The following ANK1 variants were observed in gnomAD, a reference collection of about 807,000 sequenced individuals.
The protein encoded by ANK1 is ankyrin 1, also known as ankyrin-1.
A neutral mutation model predicts 210.4 loss-of-function variants in ANK1; 51 were observed. That is an observed-to-expected ratio of 0.24 (90% CI 0.19 to 0.31). The LOEUF (loss-of-function observed/expected upper bound fraction) is 0.31, where lower values mean the gene tolerates loss of function less well. Among genes scored for constraint, ANK1 ranks in the 10% least tolerant of loss-of-function variants. ANK1 has a pLI of 1.00. For missense variants in ANK1, 2,051 were observed against 2,504.4 expected, an observed-to-expected ratio of 0.82 and a Z score of 3.86; for synonymous variants, 967 against 1,025.9, an observed-to-expected ratio of 0.94 and a Z score of 1.10.
intron 1 of ANK1, among the ~76,000 whole-genome samples, chr8:41,848,912 C>T (rs1373042911): frequency 6.6e-6 from 1 of 152,196 alleles, no homozygotes; most frequent in Non-Finnish European, 1.5e-5. Context: ...CTGGGCCAGA[C>T]CCAGTCTCCA....
At chr8:41,688,120 G>A (rs1818201195) in intron 35 of ANK1, 36 bp downstream of exon 35, 1 of 1,602,026 alleles carries the variant, frequency 6.2e-7, no homozygotes, top group Non-Finnish European at 8.6e-7. Context: ...AGGTGAGATG[G>A]ACAAAGTGCT....
At chr8:41,811,944 T>G (rs1802558081) in intron 1 of ANK1, among the ~76,000 whole-genome samples, 1 of 152,184 alleles carries the variant, frequency 6.6e-6, no homozygotes, top group Admixed American at 6.5e-5. Context: ...TAGCCTCCAT[T>G]CATCTGAATA....
At position 41,694,548 on chromosome 8, in the gene ANK1, A is replaced by G; in HGVS notation, c.3327+44T>C. On this transcript the variant is annotated intron_variant, in intron 28 of 42. Coordinates refer to ENST00000289734, the MANE Select transcript of ANK1 (RefSeq NM_000037.4). The surrounding 1 kb of genome is among the most constrained non-coding windows in gnomAD (Gnocchi z 5.7). ...GAGGGTGGCCTTCCCGGAGGCCTGG[A>G]GTTCAGTCCACCCCCAGGACCTGGC... 7.6e-6 allele frequency: 12 copies of G among 1,577,020 alleles called. No individual in the cohort carries two copies. The highest frequency in any genetic ancestry group is 1.0e-5 in the Non-Finnish European group (12 of 1,152,958).
Position 41,668,558 on chromosome 8 carries a change from C to T in ANK1, c.5103G>A (p.Gln1701=). 1 of 1,612,608 alleles carries T rather than the reference C, an allele frequency of 6.2e-7. No individual in the cohort carries two copies. The highest frequency in any genetic ancestry group is 8.5e-7 in the Non-Finnish European group (1 of 1,178,684). The change falls in exon 39 of 43, where the codon CAG becomes CAA. Residue 1701 remains glutamine, a synonymous_variant. Coordinates refer to ENST00000289734, the MANE Select transcript of ANK1 (RefSeq NM_000037.4). ...QVTERSQDRL[Q]DWDADGSIVS... The stretch of plus-strand genomic sequence containing the variant: ...CAATCGAGCCGTCTGCATCCCAGTC[C>T]TGCAGTCTGGGGTCCAGAAGAAGCA...
At chr8:41,854,620 A>T (rs915284008) in intron 1 of ANK1, among the ~76,000 whole-genome samples, 5 of 152,144 alleles carry the variant, frequency 3.3e-5, no homozygotes, top group African/African-American at 1.2e-4. Flanking sequence ...AGCCAGCAGC[A>T]TTGGCCCCAG....
At chr8:41,719,222 A>G (rs1176809348) in intron 10 of ANK1, among the ~76,000 whole-genome samples, 1 of 152,186 alleles carries the variant, frequency 6.6e-6, no homozygotes. Flanking sequence ...GAGTGCCATG[A>G]GAACTACAAG....
chr8:41,743,572 G>A lies in ANK1; in HGVS notation c.130-9503C>T, dbSNP rs773683009. On this transcript the variant is annotated intron_variant, in intron 2 of 42. Transcript: ENST00000289734. ...GCAGTGAACAGGGAGGTGCCCTGCAGGGCATGGGCAGCAGCGTGTCTGGGG... is the reference window on the plus strand; with the variant it reads ...GCAGTGAACAGGGAGGTGCCCTGCAAGGCATGGGCAGCAGCGTGTCTGGGG... Among the ~76,000 whole-genome samples the A allele has an allele frequency of 2.6e-5, 4 of 152,180 alleles. No individual in the cohort carries two copies. In the East Asian group the frequency reaches 5.8e-4, roughly 22 times the overall value.
In ANK1 at chr8:41,706,168, C is replaced by T. The variant is rs1824519645; in HGVS notation, c.2072G>A (p.Gly691Asp). Residue 691 changes from glycine to aspartate, a missense_variant, in exon 18 of 43, where the codon GGC becomes GAC. Gly to Asp is a moderately conservative substitution (Grantham distance 94). Around this residue, in one of 6 missense-constraint regions of ANK1, gnomAD observed 1,413 missense variants for 1,707.4 expected, o/e 0.83. Transcript: ENST00000289734. The part of the protein sequence containing the change: ...VPVADVLIKH[G>D]VMVDATTRMG... The stretch of plus-strand genomic sequence containing the variant: ...CCGGGTGGTGGCGTCCACCATGACG[C>T]CGTGTTTGATCAGCACATCTGCCAC... 1.2e-6 allele frequency: 2 copies of T among 1,614,012 alleles called. No individual in the cohort carries two copies. Among genetic ancestry groups the T allele is most frequent in the African/African-American group, 2.7e-5 (2 of 75,054 alleles).
At chr8:41,787,026 C>T (rs1206113172) in intron 1 of ANK1, among the ~76,000 whole-genome samples, 1 of 152,194 alleles carries the variant, frequency 6.6e-6, no homozygotes, top group African/African-American at 2.4e-5. Flanking sequence ...TTCATTTTTC[C>T]ACTCCACATG....
rs1848964418 is a variant in ANK1, at chr8:41,797,434, C to T, written c.27+78G>A. The T allele has an allele frequency of 8.1e-6, 11 of 1,353,254 alleles. No homozygotes were observed. Among genetic ancestry groups the T allele is most frequent in the Non-Finnish European group, 1.0e-5 (10 of 964,386 alleles). The allele number at this position is 1,353,254 out of a possible 1,614,324, so 83.8% of individuals were successfully genotyped here. A position where few individuals can be genotyped will look rare whatever the true frequency, so the allele number is the denominator to read the frequency against. On this transcript the variant is annotated intron_variant, in intron 1 of 42. Transcript: ENST00000289734. This position sits in a 1 kb window ranked among gnomAD's most constrained non-coding sequence, Gnocchi z 4.0. ...GGGTGTGCAAAGCTGCTCTTGCTCG[C>T]GTGCTGCCTACTGGCGCGGCCTGGG...
intron 1 of ANK1, among the ~76,000 whole-genome samples, chr8:41,826,174 A>C (rs1211684652): frequency 6.6e-6 from 1 of 152,164 alleles, no homozygotes; most frequent in Non-Finnish European, 1.5e-5. Context: ...CCAACCTGCC[A>C]GCTGTGAGAT....
intron 16 of ANK1, among the ~76,000 whole-genome samples, chr8:41,713,551 G>A (rs1420514827): frequency 6.6e-6 from 1 of 152,228 alleles, no homozygotes; most frequent in Non-Finnish European, 1.5e-5. Context: ...ACATTCAGGT[G>A]AGCCTCCCTA....
chr8:41,785,610 C>T (rs544375721), intron 1 of ANK1, among the ~76,000 whole-genome samples: 2 of 152,262 alleles, frequency 1.3e-5, no homozygotes, highest in Admixed American at 1.3e-4. Context: ...GGCTGGGGTC[C>T]GACCTTCCCC....
intron 1 of ANK1, among the ~76,000 whole-genome samples, chr8:41,773,002 T>C (rs1389133474): frequency 3.9e-5 from 6 of 152,190 alleles, no homozygotes; most frequent in African/African-American, 1.2e-4. Context: ...GAAGGAACTT[T>C]ACAGAATGTT....
intron 1 of ANK1, among the ~76,000 whole-genome samples, chr8:41,883,319 A>G (rs771972861): frequency 2.0e-5 from 3 of 152,174 alleles, no homozygotes; most frequent in Non-Finnish European, 4.4e-5. Context: ...GCCACCACTC[A>G]TCCAGATTTC....
chr8:41,839,874 G>A (rs934398743), intron 1 of ANK1, among the ~76,000 whole-genome samples: 2 of 152,162 alleles, frequency 1.3e-5, no homozygotes, highest in Admixed American at 6.6e-5. Flanking sequence ...ATGTATGGAC[G>A]TCTAGTTAAT....
intron 1 of ANK1, among the ~76,000 whole-genome samples, chr8:41,817,932 G>A (rs185909432): frequency 8.5e-4 from 129 of 152,350 alleles, no homozygotes; most frequent in Admixed American, 4.0e-3. Context: ...CTCCTGAGAA[G>A]TGGCAAGAGT....
chr8:41,860,306 C>T lies in ANK1; in HGVS notation c.126+36049G>A, dbSNP rs559982990. 3.3e-5 allele frequency among the ~76,000 whole-genome samples: 5 copies of T among 152,340 alleles called. No individual in the cohort carries two copies. The South Asian group carries it at 6.2e-4, about 19-fold the overall frequency. On this transcript the variant is annotated intron_variant, in intron 1 of 42. Transcript: ENST00000265709. ...GGCCTCCAAGCAAGCAGTGAGGTTT[C>T]ACCTTGGCTTTGGCAGATTCCACTG... is the stretch of plus-strand genomic sequence containing the variant.
At chr8:41,762,100 C>T (rs1338483642) in intron 1 of ANK1, among the ~76,000 whole-genome samples, 1 of 152,220 alleles carries the variant, frequency 6.6e-6, no homozygotes, top group East Asian at 1.9e-4. Context: ...GCTGTCTGTT[C>T]ATGAGGCACA....
Sources: allele counts gnomAD v4.1 joint callset (sites outside exome capture counted in the v4.1 genomes callset), GRCh38; gene constraint gnomAD v4.1.1; regional missense constraint gnomAD v4.1.1; non-coding constraint Gnocchi (gnomAD v3.1); transcripts MANE v1.5; gene names NCBI Gene and HGNC (gene_info 2026-07-23, HGNC 2026-07-21).